Variants in CACNA1G observed in about 807,000 individuals in gnomAD.
CACNA1G encodes calcium voltage-gated channel subunit alpha1 G.
Under a neutral mutation model 219.4 loss-of-function variants are expected in CACNA1G, and 67 were observed. The ratio of observed to expected loss-of-function variants is 0.31; its 90% CI spans 0.25 to 0.37. The LOEUF is 0.37. Ranked by LOEUF, CACNA1G falls within the 10% of genes least tolerant of loss-of-function variation. CACNA1G has a pLI of 1.00. For missense variants in CACNA1G, 2,380 were observed against 3,231.4 expected, an observed-to-expected ratio of 0.74 and a Z score of 6.39; for synonymous variants, 1,296 against 1,345.3, an observed-to-expected ratio of 0.96 and a Z score of 0.80.
At chr17:50,623,111 T>A (rs1420636333) in intron 35 of CACNA1G, among the ~76,000 whole-genome samples, 4 of 147,214 alleles carry the variant, frequency 2.7e-5, no homozygotes, top group Non-Finnish European at 6.0e-5. Flanking sequence ...TTTTTTTTTT[T>A]TTGAGACAGG....
rs1362735761 is a variant in CACNA1G at position 50,560,913 on chromosome 17, C to T, written c.-547C>T. On this transcript the variant is annotated 5_prime_UTR_variant, in exon 1 of 38. Transcript: ENST00000359106. Reference sequence around the variant, plus strand: ...CCCGGACAGTGAGCCCGCGGCGGGGCGGGGGAAGGAGCCGCCCCCACCCCC... The same window carrying T: ...CCCGGACAGTGAGCCCGCGGCGGGGTGGGGGAAGGAGCCGCCCCCACCCCC... Among the ~76,000 whole-genome samples, 3 of 151,546 alleles carry T rather than the reference C, an allele frequency of 2.0e-5. No individual in the cohort carries two copies. The highest frequency in any genetic ancestry group is 7.3e-5 in the African/African-American group (3 of 41,296).
chr17:50,578,071 A>G lies in CACNA1G; in HGVS notation c.1925-117A>G. 1 of 1,262,510 alleles carries G rather than the reference A, an allele frequency of 7.9e-7. No homozygotes were observed. The highest frequency in any genetic ancestry group is 1.1e-6 in the Non-Finnish European group (1 of 942,914). The allele number at this position is 1,262,510 out of a possible 1,614,324, so 78.2% of individuals were successfully genotyped here. A position where few individuals can be genotyped will look rare whatever the true frequency, so the allele number is the denominator to read the frequency against. ...AGCACCCCTGGCCCACTAAGTGCCT[A>G]GCACCCCATCACTGTAACAACCCCA... On this transcript the variant is annotated intron_variant, in intron 8 of 37. Transcript: ENST00000359106. The surrounding 1 kb of genome is among the most constrained non-coding windows in gnomAD (Gnocchi z 4.5).
chr17:50,600,004 C>T lies in CACNA1G; in HGVS notation c.3690+145C>T. On this transcript the variant is annotated intron_variant, in intron 17 of 37. Coordinates refer to ENST00000359106, the MANE Select transcript of CACNA1G (RefSeq NM_018896.5). The surrounding 1 kb of genome is among the most constrained non-coding windows in gnomAD (Gnocchi z 4.1). ...CTAGAAACCGAGCTCCAAACAATCC[C>T]TTTTCTCCCTCTGCCCGCCTTGCCA... is the stretch of plus-strand genomic sequence containing the variant. 1 of 825,520 alleles carries T rather than the reference C, an allele frequency of 1.2e-6. No homozygotes were observed. The highest frequency in any genetic ancestry group is 1.8e-6 in the Non-Finnish European group (1 of 540,888). 51.1% of individuals were successfully genotyped at this position (825,520 alleles called of 1,614,324 possible).
In CACNA1G at chr17:50,621,625, G is replaced by C; in HGVS notation, c.5926-35G>C. On this transcript the variant is annotated intron_variant, in intron 34 of 37. Coordinates refer to ENST00000359106, the MANE Select transcript of CACNA1G (RefSeq NM_018896.5). The surrounding 1 kb of genome is among the most constrained non-coding windows in gnomAD (Gnocchi z 4.6). ...GTGCACGCGCGTGTGCGCTGTCCTGGTTTCTCATGCCTGATCATCTCTCTC... is the reference window on the plus strand; with the variant it reads ...GTGCACGCGCGTGTGCGCTGTCCTGCTTTCTCATGCCTGATCATCTCTCTC... The C allele has an allele frequency of 6.2e-7, 1 of 1,609,632 alleles. No homozygotes were observed. The highest frequency in any genetic ancestry group is 1.3e-5 in the African/African-American group (1 of 74,974).
intron 9 of CACNA1G, among the ~76,000 whole-genome samples, chr17:50,587,124 G>A (rs2043142844): frequency 6.6e-6 from 1 of 152,182 alleles, no homozygotes; most frequent in Admixed American, 6.5e-5. Flanking sequence ...ATGAGTTTGT[G>A]TGCTCTCTGT....
chr17:50,605,483 A>T (rs149079927), intron 22 of CACNA1G, among the ~76,000 whole-genome samples: 100 of 152,324 alleles, frequency 6.6e-4, no homozygotes, highest in African/African-American at 2.3e-3. Context: ...AGTTTGCGTC[A>T]GAATCACCAG....
intron 9 of CACNA1G, among the ~76,000 whole-genome samples, chr17:50,582,212 T>C (rs2042103571): frequency 6.6e-6 from 1 of 152,166 alleles, no homozygotes; most frequent in Non-Finnish European, 1.5e-5. Flanking sequence ...AGAGAAGGAA[T>C]TCAGGGAGGG....
chr17:50,599,883 A>T, intron 17 of CACNA1G, 24 bp downstream of exon 17: 1 of 1,592,820 alleles, frequency 6.3e-7, no homozygotes, highest in Non-Finnish European at 8.5e-7. Flanking sequence ...GGGCACAGTG[A>T]CCCCTCACCC....
rs1239694450 is a variant in CACNA1G at position 50,596,543 on chromosome 17, C to T, written c.2980-19C>T. ...AAGCCTGGCCGGATCCCTAATGGTCCGCTGCTCCCCTGCCCTAGGGAGATG... is the reference window on the plus strand; with the variant it reads ...AAGCCTGGCCGGATCCCTAATGGTCTGCTGCTCCCCTGCCCTAGGGAGATG... On this transcript the variant is annotated intron_variant, in intron 14 of 37. Coordinates refer to ENST00000359106, the MANE Select transcript of CACNA1G (RefSeq NM_018896.5). The surrounding 1 kb of genome is among the most constrained non-coding windows in gnomAD (Gnocchi z 4.8). 7 of 1,609,884 alleles carry T rather than the reference C, an allele frequency of 4.3e-6. No homozygotes were observed. The highest frequency in any genetic ancestry group is 1.6e-4 in the Middle Eastern group (1 of 6,076).
chr17:50,574,685 C>T (rs1166034405), intron 7 of CACNA1G, among the ~76,000 whole-genome samples: 1 of 152,176 alleles, frequency 6.6e-6, no homozygotes, highest in African/African-American at 2.4e-5. Flanking sequence ...TTCCTAACAG[C>T]TCTCTGGAAT....
rs760997918 is a variant in CACNA1G at position 50,626,449 on chromosome 17, G to A, written c.6832G>A (p.Gly2278Ser). 4.4e-6 allele frequency: 7 copies of A among 1,604,610 alleles called. No homozygotes were observed. Among genetic ancestry groups the A allele is most frequent in the Middle Eastern group, 1.7e-4 (1 of 6,052 alleles). Residue 2278 changes from glycine to serine, a missense_variant, in exon 38 of 38, where the codon GGC becomes AGC. Physicochemically the swap from Gly to Ser is moderately conservative, Grantham distance 56. Coordinates refer to ENST00000359106, the MANE Select transcript of CACNA1G (RefSeq NM_018896.5). The surrounding 1 kb of genome is among the most constrained non-coding windows in gnomAD (Gnocchi z 4.3). The part of the protein sequence containing the change: ...HSIAVSCLDS[G>S]SQPHLGTDPS... ...TATCGCCGTCAGCTGCCTGGACAGCGGCTCCCAACCCCACCTGGGCACAGA... is the reference window on the plus strand; with the variant it reads ...TATCGCCGTCAGCTGCCTGGACAGCAGCTCCCAACCCCACCTGGGCACAGA...
At chr17:50,604,583 T>C (rs1287276035) in intron 22 of CACNA1G, among the ~76,000 whole-genome samples, 1 of 152,240 alleles carries the variant, frequency 6.6e-6, no homozygotes, top group East Asian at 1.9e-4. Context: ...GCCCGCGGTC[T>C]ACTCCGGGAT....
intron 8 of CACNA1G, among the ~76,000 whole-genome samples, 158 bp downstream of exon 8, chr17:50,576,484 G>A (rs1298611771): frequency 1.3e-5 from 2 of 152,226 alleles, no homozygotes; most frequent in Non-Finnish European, 2.9e-5. Context: ...TCCCTGCTAT[G>A]AGCTCGAATT....
At chr17:50,576,410 A>C in intron 8 of CACNA1G, 84 bp downstream of exon 8, 1 of 1,324,518 alleles carries the variant, frequency 7.5e-7, no homozygotes, top group Non-Finnish European at 1.1e-6. Context: ...GTCTGGAGTC[A>C]GAGGGACCAG....
At chr17:50,590,077 C>G (rs1447894758) in intron 9 of CACNA1G, among the ~76,000 whole-genome samples, 1 of 152,134 alleles carries the variant, frequency 6.6e-6, no homozygotes, top group South Asian at 2.1e-4. Flanking sequence ...CCTTGGCGAT[C>G]GCCCTCTGAC....
rs1212265705 is a variant in CACNA1G, at chr17:50,621,010, T to G, written c.5926-650T>G. Among the ~76,000 whole-genome samples the G allele has an allele frequency of 2.0e-5, 3 of 152,090 alleles. No individual in the cohort carries two copies. Among genetic ancestry groups the G allele is most frequent in the Non-Finnish European group, 4.4e-5 (3 of 68,014 alleles). Reference sequence around the variant, plus strand: ...CAGATGGTGTGGCAGCCCACCCGAGTGCGCCCACTTCAGGCTAACGGGAGA... The same window carrying G: ...CAGATGGTGTGGCAGCCCACCCGAGGGCGCCCACTTCAGGCTAACGGGAGA... On this transcript the variant is annotated intron_variant, in intron 34 of 37. Coordinates refer to ENST00000359106, the MANE Select transcript of CACNA1G (RefSeq NM_018896.5). The surrounding 1 kb of genome is among the most constrained non-coding windows in gnomAD (Gnocchi z 4.6).
chr17:50,567,968 G>C (rs756359903), intron 1 of CACNA1G, among the ~76,000 whole-genome samples: 7 of 152,170 alleles, frequency 4.6e-5, no homozygotes, highest in Non-Finnish European at 7.3e-5. Flanking sequence ...TCTTGGGGGA[G>C]GGGGTAGACA....
chr17:50,619,475 C>T lies in CACNA1G; in HGVS notation c.5782-208C>T, dbSNP rs546797094. Among the ~76,000 whole-genome samples, 8 of 152,172 alleles carry T rather than the reference C, an allele frequency of 5.3e-5. No homozygotes were observed. The East Asian group carries it at 1.4e-3, about 26-fold the overall frequency. Reference sequence around the variant, plus strand: ...CATCTCCCATCTCTCCTTCCTCCTTCGCCTTCCCTCTTCCCCACCCCCTCC... The same window carrying T: ...CATCTCCCATCTCTCCTTCCTCCTTTGCCTTCCCTCTTCCCCACCCCCTCC... On this transcript the variant is annotated intron_variant, in intron 33 of 37. Transcript: ENST00000359106.
At position 50,576,238 on chromosome 17, in the gene CACNA1G, C is replaced by A; in HGVS notation, c.1836C>A (p.Ala612=). ...AGAAGGCACTAGTAGAGGTGGCTGC[C>A]AGCTCTGGGCCCCCAACCCTCACCA... The part of the protein sequence containing the change: ...LKEKALVEVA[A]SSGPPTLTSL... The change falls in exon 8 of 38, where the codon GCC becomes GCA. Residue 612 remains alanine (A), a synonymous_variant. Coordinates refer to ENST00000359106, the MANE Select transcript of CACNA1G (RefSeq NM_018896.5). 6.2e-7 allele frequency: 1 copy of A among 1,600,674 alleles called. No individual in the cohort carries two copies.
Sources: allele counts gnomAD v4.1 joint callset (sites outside exome capture counted in the v4.1 genomes callset), GRCh38; gene constraint gnomAD v4.1.1; non-coding constraint Gnocchi (gnomAD v3.1); transcripts MANE v1.5; gene names NCBI Gene and HGNC (gene_info 2026-07-23, HGNC 2026-07-21).